C12orf42: variants seen among roughly 807,000 people sequenced by gnomAD.
C12orf42 encodes uncharacterized protein C12orf42.
A neutral mutation model predicts 21.6 loss-of-function variants in C12orf42; 25 were observed. The ratio of observed to expected loss-of-function variants is 1.16; its 90% confidence interval spans 0.84 to 1.62. C12orf42 has a LOEUF of 1.62. Among genes scored for constraint, C12orf42 ranks in the 40% most tolerant of loss-of-function variants. C12orf42 has a pLI of 0.00. For missense variants in C12orf42, 483 were observed against 459.3 expected (o/e 1.05, Z -0.47); for synonymous variants, 174 against 175.0 (o/e 0.99, Z 0.05).
At chr12:103,366,278 T>C (rs1593635500) in intron 4 of C12orf42, among the ~76,000 whole-genome samples, 1 of 152,088 alleles carries the variant, frequency 6.6e-6, no homozygotes, top group South Asian at 2.1e-4. Flanking sequence ...AGAATGAAAC[T>C]GGATCCTCAT....
At chr12:103,392,049 T>G (rs1382445231) in intron 3 of C12orf42, among the ~76,000 whole-genome samples, 3 of 152,202 alleles carry the variant, frequency 2.0e-5, no homozygotes. Context: ...CATGTGAATA[T>G]CTAGTTTTCC....
At chr12:103,136,818 T>C in the C12orf42 span, among the ~76,000 whole-genome samples, 1 of 152,148 alleles carries the variant, frequency 6.6e-6, no homozygotes. Flanking sequence ...TGTGGGAAAA[T>C]TGGATTGCCA....
intron 4 of C12orf42, among the ~76,000 whole-genome samples, chr12:103,355,240 G>A (rs2137551729): frequency 6.6e-6 from 1 of 152,172 alleles, no homozygotes; most frequent in South Asian, 2.1e-4. Flanking sequence ...TAAATCTGTG[G>A]TCTGTGGCAT....
rs187409784 is a variant in C12orf42, at chr12:103,489,621, C to T, written c.-22+6281G>A. On this transcript the variant is annotated intron_variant, in intron 1 of 5. Transcript: ENST00000548883. The stretch of plus-strand genomic sequence containing the variant: ...GTGGGTTCCCCCAGTTTGAGCTTCC[C>T]GGCTGCTTTGTTTACCTATTCAAGC... Among the ~76,000 whole-genome samples, 228 of 152,304 alleles carry T rather than the reference C, an allele frequency of 1.5e-3. 2 individuals carry two copies. The highest frequency in any genetic ancestry group is 5.0e-3 in the African/African-American group (209 of 41,550).
chr12:103,554,167 T>C, the C12orf42 span, among the ~76,000 whole-genome samples: 1 of 152,112 alleles, frequency 6.6e-6, no homozygotes, highest in African/African-American at 2.4e-5. Context: ...AGACAATCCA[T>C]AAGCAAATGG....
chr12:103,429,951 C>T (rs778608824), intron 2 of C12orf42, among the ~76,000 whole-genome samples: 3 of 152,122 alleles, frequency 2.0e-5, no homozygotes, highest in South Asian at 2.1e-4. Flanking sequence ...CTTCCTTACA[C>T]GTTATACAAA....
rs1479881831 is a variant in C12orf42, at chr12:103,449,124, T to TAGAC, written c.78+29224_78+29225insGTCT. On this transcript the variant is annotated intron_variant, in intron 2 of 5. Transcript: ENST00000548883. ...ATAGATAGATAGATAGATAGATAGA[T>TAGAC]AGATAGACAGACACCATGGAATACT... Among the ~76,000 whole-genome samples the TAGAC allele has an allele frequency of 1.2e-3, 174 of 148,940 alleles. 1 individual carries two copies. The highest frequency in any genetic ancestry group is 3.4e-3 in the Middle Eastern group (1 of 292).
chr12:103,191,215 CA>C, the C12orf42 span, among the ~76,000 whole-genome samples: 1 of 152,032 alleles, frequency 6.6e-6, no homozygotes, highest in Admixed American at 6.6e-5. Flanking sequence ...AAAACCAAAA[CA>C]GAGTCCATCA....
chr12:103,194,056 C>T, the C12orf42 span, among the ~76,000 whole-genome samples: 2,908 of 151,504 alleles, frequency 0.019, 35 homozygotes, highest in East Asian at 0.028. Context: ...TCCACATTAA[C>T]AAATGAAGGA....
chr12:103,093,405 T>A, the C12orf42 span, among the ~76,000 whole-genome samples: 1 of 152,098 alleles, frequency 6.6e-6, no homozygotes, highest in East Asian at 1.9e-4. Context: ...GTAAAGAAAT[T>A]CCACAGAACA....
intron 2 of C12orf42, among the ~76,000 whole-genome samples, chr12:103,406,493 A>C (rs747892749): frequency 1.3e-5 from 2 of 152,222 alleles, no homozygotes; most frequent in Non-Finnish European, 2.9e-5. Flanking sequence ...GGGTCTGGTC[A>C]CCACTGTTTC....
chr12:103,376,343 G>T (rs943278858), intron 3 of C12orf42, among the ~76,000 whole-genome samples: 2 of 152,130 alleles, frequency 1.3e-5, no homozygotes, highest in Non-Finnish European at 2.9e-5. Context: ...TCATAAGAGT[G>T]GGAGTTGAAC....
At chr12:103,192,502 C>CAAAAAAAAAAAA in the C12orf42 span, among the ~76,000 whole-genome samples, 1 of 104,498 alleles carries the variant, frequency 9.6e-6, no homozygotes, top group Non-Finnish European at 1.9e-5. Context: ...GACTCCATCT[C>CAAAAAAAAAAAA]AAAAAAAAAA....
chr12:103,447,852 GA>G (rs1305323178), intron 2 of C12orf42, among the ~76,000 whole-genome samples: 1 of 151,918 alleles, frequency 6.6e-6, no homozygotes, highest in Non-Finnish European at 1.5e-5. Context: ...TCAATATTGT[GA>G]AAACGACCAT....
the C12orf42 span, among the ~76,000 whole-genome samples, chr12:103,091,421 T>G: frequency 2.6e-5 from 4 of 152,110 alleles, no homozygotes; most frequent in Non-Finnish European, 5.9e-5. Context: ...AAACATTTTC[T>G]TGGAGTCACA....
chr12:103,276,768 T>C (rs531410613), intron 5 of C12orf42, among the ~76,000 whole-genome samples: 8 of 152,304 alleles, frequency 5.3e-5, no homozygotes, highest in Admixed American at 4.6e-4. Context: ...CACTGTAGGT[T>C]AGGATGGCTG....
chr12:103,553,635 T>C, the C12orf42 span, among the ~76,000 whole-genome samples: 6 of 152,206 alleles, frequency 3.9e-5, no homozygotes, highest in Non-Finnish European at 8.8e-5. Flanking sequence ...TTTGAGTCAG[T>C]TTCCTAAATT....
intron 4 of C12orf42, among the ~76,000 whole-genome samples, chr12:103,365,410 G>A (rs2044510692): frequency 6.6e-6 from 1 of 152,008 alleles, no homozygotes; most frequent in African/African-American, 2.4e-5. Context: ...TCTGAGAACT[G>A]GAACAAGACA....
chr12:103,136,883 A>G, the C12orf42 span, among the ~76,000 whole-genome samples: 1 of 152,200 alleles, frequency 6.6e-6, no homozygotes, highest in African/African-American at 2.4e-5. Flanking sequence ...AAAATAAATG[A>G]AAGATAGATT....
Sources: allele counts gnomAD v4.1 joint callset (sites outside exome capture counted in the v4.1 genomes callset), GRCh38; gene constraint gnomAD v4.1.1; transcripts MANE v1.5; gene names NCBI Gene and HGNC (gene_info 2026-07-23, HGNC 2026-07-21).